The following DNAH11 variants were observed in gnomAD, a reference collection of about 807,000 sequenced individuals.
DNAH11 encodes axonemal beta dynein heavy chain 11.
In DNAH11, 442 loss-of-function variants were observed where a neutral mutation model predicts 526.0. The observed-to-expected ratio is 0.84, with a 90% confidence interval of 0.78 to 0.91. The LOEUF is 0.91. Ranked by LOEUF, DNAH11 falls within the 40% of genes least tolerant of loss-of-function variation. DNAH11 has a pLI of 0.00. For missense variants in DNAH11, 6,989 were observed against 5,448.7 expected, an observed-to-expected ratio of 1.28 and a Z score of -8.90; for synonymous variants, 2,461 against 1,935.9, an observed-to-expected ratio of 1.27 and a Z score of -7.12.
chr7:21,634,520 C>G (rs1417136786), intron 25 of DNAH11, among the ~76,000 whole-genome samples: 1 of 152,172 alleles, frequency 6.6e-6, no homozygotes, highest in Non-Finnish European at 1.5e-5. Context: ...TCATTGTACT[C>G]AGTGACTTTC....
At chr7:21,722,348 A>G (rs948055216) in intron 44 of DNAH11, among the ~76,000 whole-genome samples, 1 of 152,120 alleles carries the variant, frequency 6.6e-6, no homozygotes, top group Non-Finnish European at 1.5e-5. Context: ...TAGTGCTTCT[A>G]TGGGTACCCC....
In DNAH11 at chr7:21,744,023, C is replaced by G. The variant is rs73275662; in HGVS notation, c.8155-415C>G. On this transcript the variant is annotated intron_variant, in intron 49 of 81. Coordinates refer to ENST00000409508, the MANE Select transcript of DNAH11 (RefSeq NM_001277115.2). The stretch of plus-strand genomic sequence containing the variant: ...GAAGTATGAGTCTGGGCACTTTACT[C>G]TTGGTCTTGTATTCTTCATCTGTGA... Among the ~76,000 whole-genome samples the G allele has an allele frequency of 8.4e-4, 128 of 152,236 alleles. 1 individual carries two copies. Among genetic ancestry groups the G allele is most frequent in the African/African-American group, 2.9e-3 (121 of 41,540 alleles).
chr7:21,610,031 G>C (rs1381595374), intron 20 of DNAH11, among the ~76,000 whole-genome samples: 2 of 152,032 alleles, frequency 1.3e-5, no homozygotes, highest in Admixed American at 1.3e-4. Flanking sequence ...GAGGCAGGCA[G>C]ATCACAAGGT....
At chr7:21,596,453 T>G (rs1784865147) in intron 14 of DNAH11, among the ~76,000 whole-genome samples, 1 of 152,232 alleles carries the variant, frequency 6.6e-6, no homozygotes, top group Non-Finnish European at 1.5e-5. Flanking sequence ...GTGGACTATT[T>G]CTAGTTGTTC....
chr7:21,762,165 A>T (rs1786950727), intron 54 of DNAH11, among the ~76,000 whole-genome samples: 2 of 152,144 alleles, frequency 1.3e-5, no homozygotes, highest in Admixed American at 1.3e-4. Context: ...CATGAGGATT[A>T]TGGGGATTTC....
intron 68 of DNAH11, among the ~76,000 whole-genome samples, chr7:21,859,351 T>G (rs1346649882): frequency 6.6e-6 from 1 of 152,154 alleles, no homozygotes; most frequent in Admixed American, 6.5e-5. Flanking sequence ...TGAACTCAGG[T>G]GATCCACCTG....
At chr7:21,641,510 C>A (rs755797581) in intron 28 of DNAH11, among the ~76,000 whole-genome samples, 3 of 152,166 alleles carry the variant, frequency 2.0e-5, no homozygotes, top group Non-Finnish European at 4.4e-5. Context: ...ACCTCTTTGT[C>A]CTTAATTGAA....
chr7:21,594,098 A>ACACT lies in DNAH11; in HGVS notation c.2667+2522_2667+2523insACTC, dbSNP rs534629301. Among the ~76,000 whole-genome samples, 1,117 of 148,008 alleles carry ACACT rather than the reference A, an allele frequency of 7.5e-3. 10 individuals carry two copies. Among genetic ancestry groups the ACACT allele is most frequent in the Non-Finnish European group, 0.011 (762 of 67,036 alleles). The stretch of plus-strand genomic sequence containing the variant: ...CACACACACACACACACACACACAC[A>ACACT]CTCTGAAGCCATCATGAAGTAGCAC... On this transcript the variant is annotated intron_variant, in intron 14 of 81. Transcript: ENST00000409508.
At chr7:21,715,069 A>G (rs1784601308) in intron 42 of DNAH11, among the ~76,000 whole-genome samples, 1 of 152,210 alleles carries the variant, frequency 6.6e-6, no homozygotes, top group African/African-American at 2.4e-5. Flanking sequence ...CAAACATGCA[A>G]CTTCAGAAAT....
chr7:21,572,772 T>C (rs1783942997), intron 8 of DNAH11, among the ~76,000 whole-genome samples: 1 of 152,158 alleles, frequency 6.6e-6, no homozygotes, highest in African/African-American at 2.4e-5. Flanking sequence ...TTATAGTCAG[T>C]TTTGGAAAGT....
intron 54 of DNAH11, among the ~76,000 whole-genome samples, chr7:21,763,328 C>T (rs1293568661): frequency 6.1e-5 from 5 of 81,448 alleles, no homozygotes; most frequent in Non-Finnish European, 4.9e-5. Context: ...GGCAACAGAG[C>T]AAGACTGTCT....
At chr7:21,721,664 C>A (rs893625311) in intron 44 of DNAH11, among the ~76,000 whole-genome samples, 2 of 152,128 alleles carry the variant, frequency 1.3e-5, no homozygotes, top group African/African-American at 4.8e-5. Flanking sequence ...ATCATGAGGA[C>A]CCTGTATTCA....
intron 25 of DNAH11, among the ~76,000 whole-genome samples, chr7:21,631,042 C>T (rs556126599): frequency 1.3e-5 from 2 of 152,138 alleles, no homozygotes; most frequent in Non-Finnish European, 2.9e-5. Context: ...GTTTATTGGA[C>T]TTACAGTTCC....
At chr7:21,543,931 G>A in intron 1 of DNAH11, 1 of 362,178 alleles carries the variant, frequency 2.8e-6, no homozygotes, top group South Asian at 4.3e-5. Flanking sequence ...AAAAACTTGC[G>A]TTTCAGTTGC....
chr7:21,888,571 C>T (rs958118980), intron 76 of DNAH11, among the ~76,000 whole-genome samples: 1 of 151,532 alleles, frequency 6.6e-6, no homozygotes, highest in East Asian at 1.9e-4. Flanking sequence ...CTCACTGCAA[C>T]CTCCACCTTC....
Position 21,681,681 on chromosome 7 carries a change from A to G in DNAH11, c.5460+4A>G. 6.2e-7 allele frequency: 1 copy of G among 1,613,770 alleles called. No homozygotes were observed. Among genetic ancestry groups the G allele is most frequent in the Non-Finnish European group, 8.5e-7 (1 of 1,179,742 alleles). ...GGCAAAACTTATTTCTCAGAAGGCA[A>G]GTTGTTTGTAGAAATTTTATGTATT... On this transcript the variant is annotated splice_donor_region_variant and intron_variant, in intron 31 of 81. Coordinates refer to ENST00000409508, the MANE Select transcript of DNAH11 (RefSeq NM_001277115.2).
intron 28 of DNAH11, among the ~76,000 whole-genome samples, chr7:21,650,783 G>A (rs1225347020): frequency 6.6e-6 from 1 of 151,718 alleles, no homozygotes; most frequent in Non-Finnish European, 1.5e-5. Flanking sequence ...GGGATTACAG[G>A]CACATGCTAC....
rs150984418 is a variant in DNAH11 at position 21,655,052 on chromosome 7, T to C, written c.4945-780T>C. Among the ~76,000 whole-genome samples, 432 of 152,098 alleles carry C rather than the reference T, an allele frequency of 2.8e-3. 3 individuals carry two copies. Among genetic ancestry groups the C allele is most frequent in the Non-Finnish European group, 4.2e-3 (286 of 68,014 alleles). Reference sequence around the variant, plus strand: ...AATGTTTTGTCTTTGATCTGATCTTTGTTGTTGTTGGTTTTCCCCCCCCAC... The same window carrying C: ...AATGTTTTGTCTTTGATCTGATCTTCGTTGTTGTTGGTTTTCCCCCCCCAC... On this transcript the variant is annotated intron_variant, in intron 28 of 81. Coordinates refer to ENST00000409508, the MANE Select transcript of DNAH11 (RefSeq NM_001277115.2).
intron 41 of DNAH11, among the ~76,000 whole-genome samples, chr7:21,711,352 T>C (rs1326559756): frequency 6.6e-6 from 1 of 152,222 alleles, no homozygotes; most frequent in East Asian, 1.9e-4. Context: ...ATCTTTATAC[T>C]TGTGTAAGTT....
Sources: allele counts gnomAD v4.1 joint callset (sites outside exome capture counted in the v4.1 genomes callset), GRCh38; gene constraint gnomAD v4.1.1; transcripts MANE v1.5; gene names NCBI Gene and HGNC (gene_info 2026-07-23, HGNC 2026-07-21).